RAD51B: variants seen among roughly 807,000 people sequenced by gnomAD.
RAD51B encodes RAD51 paralog B, also known as DNA repair protein RAD51 homolog 2.
In RAD51B, 38 loss-of-function variants were observed where a neutral mutation model predicts 42.2. The ratio of observed to expected loss-of-function variants is 0.90; its 90% CI spans 0.70 to 1.18. The LOEUF (loss-of-function observed/expected upper bound fraction) is 1.18. Ranked by LOEUF, RAD51B falls within the 50% of genes most tolerant of loss-of-function variation. The pLI, the probability that RAD51B is intolerant of heterozygous loss-of-function variation, is 0.00. For missense variants in RAD51B, 373 were observed against 400.7 expected (o/e 0.93, Z 0.59); for synonymous variants, 154 against 145.2 (o/e 1.06, Z -0.43).
intron 7 of RAD51B, among the ~76,000 whole-genome samples, chr14:68,116,217 A>G (rs1198546740): frequency 6.6e-6 from 1 of 151,886 alleles, no homozygotes; most frequent in Non-Finnish European, 1.5e-5. Context: ...AGTCAGTGGT[A>G]TGTGAATTTT....
intron 9 of RAD51B, among the ~76,000 whole-genome samples, chr14:68,426,535 G>A (rs940850760): frequency 6.6e-6 from 1 of 152,170 alleles, no homozygotes; most frequent in East Asian, 1.9e-4. Context: ...CAATGAACTA[G>A]GATATCTGGT....
intron 10 of RAD51B, chr14:68,540,518 T>C (rs1887904931): frequency 6.1e-6 from 6 of 985,214 alleles, no homozygotes; most frequent in Non-Finnish European, 7.2e-6. Context: ...TTTCTCTAGG[T>C]AACATGTACT....
Position 68,663,485 on chromosome 14 carries a change from C to A in RAD51B, c.*11+12629C>A, listed in dbSNP as rs544239165. 2.0e-5 allele frequency among the ~76,000 whole-genome samples: 3 copies of A among 152,282 alleles called. No individual in the cohort carries two copies. In the South Asian group the frequency reaches 6.2e-4, roughly 32 times the overall value. ...TCCAGATACTTTCTCTTTCACTTCG[C>A]CCCCTTTACCCTTCAGGCTCCCCCC... On this transcript the variant is annotated intron_variant, in intron 11 of 11. Transcript: ENST00000488612.
At chr14:68,486,836 G>T (rs1273300572) in intron 10 of RAD51B, among the ~76,000 whole-genome samples, 1 of 152,208 alleles carries the variant, frequency 6.6e-6, no homozygotes, top group African/African-American at 2.4e-5. Context: ...ACAGGGTTTA[G>T]TGAGATGGCC....
chr14:68,344,187 G>A (rs1407127953), intron 8 of RAD51B, among the ~76,000 whole-genome samples: 1 of 152,206 alleles, frequency 6.6e-6, no homozygotes, highest in Non-Finnish European at 1.5e-5. Context: ...AGAGCCATGG[G>A]CAGCTTGTAT....
chr14:68,096,076 C>T (rs1369965871), intron 7 of RAD51B, among the ~76,000 whole-genome samples: 2 of 151,490 alleles, frequency 1.3e-5, no homozygotes, highest in Non-Finnish European at 2.9e-5. Flanking sequence ...GAAGCCAAGT[C>T]TAACTCTAAA....
At chr14:68,525,669 G>A (rs1411461328) in intron 10 of RAD51B, among the ~76,000 whole-genome samples, 4 of 152,122 alleles carry the variant, frequency 2.6e-5, no homozygotes, top group African/African-American at 7.2e-5. Flanking sequence ...TCCTTAGTGT[G>A]GTCCAGACAT....
At chr14:67,867,626 G>C (rs2139997672) in intron 5 of RAD51B, among the ~76,000 whole-genome samples, 1 of 152,352 alleles carries the variant, frequency 6.6e-6, no homozygotes, top group East Asian at 1.9e-4. Flanking sequence ...GAGGGGAGAA[G>C]ATCGTCGTAA....
Position 68,252,118 on chromosome 14 carries a change from C to T in RAD51B, c.757-39766C>T, listed in dbSNP as rs1293019960. On this transcript the variant is annotated intron_variant, in intron 7 of 10. Coordinates refer to ENST00000471583, the MANE Select transcript of RAD51B (RefSeq NM_133510.4). Reference sequence around the variant, plus strand: ...AAGATCCTTCATTCCTCTTTTAATCCTACAGCCTGCAGGAGTTGAGTATAC... The same window carrying T: ...AAGATCCTTCATTCCTCTTTTAATCTTACAGCCTGCAGGAGTTGAGTATAC... Among the ~76,000 whole-genome samples, 18 of 152,122 alleles carry T rather than the reference C, an allele frequency of 1.2e-4. 1 individual carries two copies. Among genetic ancestry groups the T allele is most frequent in the Admixed American group, 1.2e-3 (18 of 15,280 alleles).
intron 10 of RAD51B, among the ~76,000 whole-genome samples, chr14:68,516,289 CAT>C (rs1236866676): frequency 6.6e-6 from 1 of 151,966 alleles, no homozygotes; most frequent in Non-Finnish European, 1.5e-5. Context: ...TATTAAAATG[CAT>C]ATATTCATTA....
chr14:68,031,033 C>T (rs2076033200), intron 7 of RAD51B, among the ~76,000 whole-genome samples: 1 of 152,090 alleles, frequency 6.6e-6, no homozygotes, highest in Non-Finnish European at 1.5e-5. Context: ...TGATAGTGCC[C>T]CTGAACAATT....
downstream of RAD51B, among the ~76,000 whole-genome samples, chr14:68,600,961 T>C (rs868326707): frequency 6.0e-5 from 9 of 150,894 alleles, 1 homozygote; most frequent in South Asian, 1.3e-3. Context: ...AGAGAATTCT[T>C]GTGTGTGGGT....
At chr14:67,860,713 G>A (rs2042136428) in intron 4 of RAD51B, among the ~76,000 whole-genome samples, 1 of 152,116 alleles carries the variant, frequency 6.6e-6, no homozygotes, top group Non-Finnish European at 1.5e-5. Flanking sequence ...TCATAGTATA[G>A]TATAACAAAT....
intron 7 of RAD51B, among the ~76,000 whole-genome samples, chr14:68,138,097 G>C (rs2078047940): frequency 6.6e-6 from 1 of 152,150 alleles, no homozygotes; most frequent in Non-Finnish European, 1.5e-5. Flanking sequence ...CAAGAAGCCA[G>C]GACAAGCTTG....
At chr14:68,227,894 T>A (rs1369771772) in intron 7 of RAD51B, among the ~76,000 whole-genome samples, 1 of 152,190 alleles carries the variant, frequency 6.6e-6, no homozygotes, top group Non-Finnish European at 1.5e-5. Flanking sequence ...TTAGAACCAT[T>A]TAACAGAGCA....
At chr14:68,329,981 CAAAA>C (rs57191974) in intron 8 of RAD51B, among the ~76,000 whole-genome samples, 19 of 113,844 alleles carry the variant, frequency 1.7e-4, no homozygotes, top group South Asian at 2.8e-4. Context: ...GACTCTGTCT[CAAAA>C]AAAAAAAAAA....
chr14:68,496,674 T>C (rs1001645836), intron 10 of RAD51B, among the ~76,000 whole-genome samples: 18 of 152,256 alleles, frequency 1.2e-4, no homozygotes, highest in Non-Finnish European at 2.6e-4. Context: ...TTCTGGCGCA[T>C]GGCAGGACCA....
Position 68,593,834 on chromosome 14 carries a change from G to A in RAD51B, c.1037-651G>A, listed in dbSNP as rs543737900. Among the ~76,000 whole-genome samples the A allele has an allele frequency of 3.9e-5, 6 of 152,266 alleles. No homozygotes were observed. In the East Asian group the frequency reaches 1.2e-3, roughly 29 times the overall value. On this transcript the variant is annotated intron_variant, in intron 10 of 10. Coordinates refer to the RAD51B transcript ENST00000487270. ...TCAGTCTCTGGCTTGGAAGAAAGAC[G>A]GCTGGGAAGGGGGATGGAAGGCAGC... is the stretch of plus-strand genomic sequence containing the variant.
At chr14:68,451,909 A>AT (rs370829768) in intron 9 of RAD51B, among the ~76,000 whole-genome samples, 73 of 152,350 alleles carry the variant, frequency 4.8e-4, no homozygotes, top group African/African-American at 1.6e-3. Context: ...TGGTCCAAGC[A>AT]TGATGTAACA....
Sources: allele counts gnomAD v4.1 joint callset (sites outside exome capture counted in the v4.1 genomes callset), GRCh38; gene constraint gnomAD v4.1.1; transcripts MANE v1.5; gene names NCBI Gene and HGNC (gene_info 2026-07-23, HGNC 2026-07-21).